Variants in FSTL4 observed in about 807,000 individuals in gnomAD.
The protein encoded by FSTL4 is follistatin like 4.
In FSTL4, 28 loss-of-function variants were observed where a neutral mutation model predicts 78.2. The ratio of observed to expected loss-of-function variants is 0.36; its 90% confidence interval spans 0.27 to 0.49. The LOEUF (loss-of-function observed/expected upper bound fraction) is 0.49, where lower values mean the gene tolerates loss of function less well. FSTL4 is among the 20% of genes least tolerant of loss of function. The probability of loss-of-function intolerance (pLI) is 0.98; values close to 1 mark genes in which losing one functional copy is unlikely to be tolerated. For missense variants in FSTL4, 922 were observed against 1,084.9 expected (o/e 0.85, Z 2.11); for synonymous variants, 422 against 440.5 (o/e 0.96, Z 0.53).
chr5:133,706,170 A>G, the FSTL4 span, among the ~76,000 whole-genome samples: 3 of 152,156 alleles, frequency 2.0e-5, no homozygotes, highest in African/African-American at 7.2e-5. Flanking sequence ...AATCTCTCCA[A>G]ACCCTATCTG....
intron 4 of FSTL4, among the ~76,000 whole-genome samples, chr5:133,396,694 C>CA (rs1756056793): frequency 6.6e-6 from 1 of 152,090 alleles, no homozygotes. Context: ...TAACAAGACT[C>CA]AGAGTAACAA....
the FSTL4 span, among the ~76,000 whole-genome samples, chr5:133,681,427 C>T: frequency 2.0e-5 from 3 of 152,220 alleles, no homozygotes; most frequent in Admixed American, 6.5e-5. Flanking sequence ...TCTGGAGCTA[C>T]CAGACGGACT....
chr5:133,228,287 G>A (rs1425793268), intron 8 of FSTL4, among the ~76,000 whole-genome samples: 1 of 152,140 alleles, frequency 6.6e-6, no homozygotes, highest in Non-Finnish European at 1.5e-5. Context: ...GAGTTAAGGA[G>A]AGAATATTTA....
the FSTL4 span, among the ~76,000 whole-genome samples, chr5:133,774,838 A>T: frequency 1.3e-5 from 2 of 152,228 alleles, no homozygotes; most frequent in African/African-American, 2.4e-5. Context: ...TTTGAGCAGG[A>T]CTAAGAACCA....
intron 6 of FSTL4, 90 bp downstream of exon 6, chr5:133,312,564 C>A: frequency 8.3e-7 from 1 of 1,210,378 alleles, no homozygotes; most frequent in Non-Finnish European, 1.2e-6. Context: ...ACCTGGGAGA[C>A]AACTGAGGAC....
the FSTL4 span, among the ~76,000 whole-genome samples, chr5:133,756,231 C>G: frequency 6.6e-6 from 1 of 151,884 alleles, no homozygotes; most frequent in Non-Finnish European, 1.5e-5. Flanking sequence ...AGAGCAGGCA[C>G]AATGTCCTGG....
intron 4 of FSTL4, among the ~76,000 whole-genome samples, chr5:133,321,643 C>T (rs951473029): frequency 8.5e-5 from 13 of 152,178 alleles, no homozygotes; most frequent in South Asian, 2.1e-4. Context: ...GTCAGGAGTT[C>T]GAGAGAATGG....
chr5:133,778,653 G>A, the FSTL4 span, among the ~76,000 whole-genome samples: 1 of 152,168 alleles, frequency 6.6e-6, no homozygotes, highest in Admixed American at 6.5e-5. Flanking sequence ...GGTGCCTCTG[G>A]GAGAGAGGGA....
At chr5:133,476,220 T>A (rs762705152) in intron 3 of FSTL4, among the ~76,000 whole-genome samples, 42 of 152,158 alleles carry the variant, frequency 2.8e-4, no homozygotes, top group Non-Finnish European at 5.4e-4. Context: ...CTTTGGAGGC[T>A]CTGTCATTCA....
intron 6 of FSTL4, 43 bp from the exon 7 acceptor site, chr5:133,249,619 G>C (rs1195843892): frequency 6.5e-7 from 1 of 1,542,748 alleles, no homozygotes; most frequent in African/African-American, 1.4e-5. Flanking sequence ...GCAGGCCCAG[G>C]GATTGGAGTC....
chr5:133,478,896 C>T (rs916361855), intron 3 of FSTL4, among the ~76,000 whole-genome samples: 3 of 152,022 alleles, frequency 2.0e-5, no homozygotes, highest in South Asian at 4.2e-4. Context: ...GGAGAGAAGC[C>T]GCCCCATCCA....
chr5:133,647,858 C>G, the FSTL4 span, among the ~76,000 whole-genome samples: 1 of 152,156 alleles, frequency 6.6e-6, no homozygotes, highest in African/African-American at 2.4e-5. Flanking sequence ...GTGTCCCCAT[C>G]CAAATCTCAT....
At chr5:133,366,456 G>A (rs548007831) in intron 4 of FSTL4, among the ~76,000 whole-genome samples, 65 of 152,040 alleles carry the variant, frequency 4.3e-4, no homozygotes, top group Non-Finnish European at 7.4e-4. Flanking sequence ...TTGTATCGCC[G>A]GTGCTTGACA....
chr5:133,650,003 T>A, the FSTL4 span, among the ~76,000 whole-genome samples: 1 of 152,118 alleles, frequency 6.6e-6, no homozygotes, highest in Non-Finnish European at 1.5e-5. Context: ...CTGCTTGGCT[T>A]CTGGTGAGGG....
At chr5:133,514,118 G>C (rs1758799298) in intron 3 of FSTL4, among the ~76,000 whole-genome samples, 1 of 151,328 alleles carries the variant, frequency 6.6e-6, no homozygotes, top group Non-Finnish European at 1.5e-5. Flanking sequence ...AGCGGAGCTT[G>C]CAATGAGCCG....
chr5:133,775,286 T>C, the FSTL4 span, among the ~76,000 whole-genome samples: 1 of 152,166 alleles, frequency 6.6e-6, no homozygotes, highest in Non-Finnish European at 1.5e-5. Flanking sequence ...ATAAATCCCA[T>C]GGTTTTAAAG....
Position 133,609,351 on chromosome 5 carries a change from T to C in FSTL4, c.-11+2974A>G, listed in dbSNP as rs73273790. On this transcript the variant is annotated intron_variant, in intron 1 of 15. Transcript: ENST00000265342. ...AACATATAAAAATCAACTGGGATTC[T>C]GGAATTCCAAATACTGACTGAATAC... is the stretch of plus-strand genomic sequence containing the variant. Among the ~76,000 whole-genome samples, 525 of 152,344 alleles carry C rather than the reference T, an allele frequency of 3.4e-3. 3 individuals are homozygous for C. The highest frequency in any genetic ancestry group is 0.011 in the African/African-American group (477 of 41,580).
the FSTL4 span, among the ~76,000 whole-genome samples, chr5:133,674,693 G>A: frequency 6.6e-5 from 10 of 152,036 alleles, no homozygotes; most frequent in East Asian, 3.9e-4. Context: ...GGGGATCATA[G>A]TGTATGTCAG....
At chr5:133,487,538 C>T (rs905640761) in intron 3 of FSTL4, among the ~76,000 whole-genome samples, 1 of 152,198 alleles carries the variant, frequency 6.6e-6, no homozygotes, top group Non-Finnish European at 1.5e-5. Flanking sequence ...CTCAGGCTTT[C>T]ATTTATTAAA....
Sources: allele counts gnomAD v4.1 joint callset (sites outside exome capture counted in the v4.1 genomes callset), GRCh38; gene constraint gnomAD v4.1.1; transcripts MANE v1.5; gene names NCBI Gene and HGNC (gene_info 2026-07-23, HGNC 2026-07-21).